Variants in PTPRD observed in about 807,000 individuals in gnomAD.
PTPRD encodes protein tyrosine phosphatase receptor type D.
A neutral mutation model predicts 214.5 loss-of-function variants in PTPRD; 34 were observed. The observed-to-expected ratio is 0.16, with a 90% confidence interval of 0.12 to 0.21. PTPRD has a LOEUF of 0.21. PTPRD is among the 10% of genes least tolerant of loss of function. The pLI, the probability that PTPRD is intolerant of heterozygous loss-of-function variation, is 1.00. For missense variants in PTPRD, 2,545 were observed against 2,398.7 expected (o/e 1.06, Z -1.27); for synonymous variants, 1,128 against 845.7 (o/e 1.33, Z -5.79).
intron 5 of PTPRD, among the ~76,000 whole-genome samples, chr9:9,905,193 G>A (rs529921160): frequency 1.3e-5 from 2 of 151,820 alleles, no homozygotes; most frequent in East Asian, 1.9e-4. Flanking sequence ...TTACACATAC[G>A]TATGTATGTT....
intron 8 of PTPRD, among the ~76,000 whole-genome samples, chr9:9,401,596 T>C (rs2070521002): frequency 3.8e-5 from 2 of 52,734 alleles, no homozygotes. Context: ...GTCCAAATGT[T>C]ATATCTTATT....
intron 11 of PTPRD, among the ~76,000 whole-genome samples, chr9:8,914,910 A>G (rs1358372564): frequency 2.0e-5 from 3 of 152,146 alleles, no homozygotes; most frequent in African/African-American, 7.2e-5. Context: ...ACCCTGGCAG[A>G]CTACTTCTAC....
intron 10 of PTPRD, among the ~76,000 whole-genome samples, chr9:9,113,724 A>G (rs766939697): frequency 6.6e-6 from 1 of 152,148 alleles, no homozygotes; most frequent in Non-Finnish European, 1.5e-5. Context: ...GATTCTTACT[A>G]GTGCTGCCAG....
intron 2 of PTPRD, among the ~76,000 whole-genome samples, chr9:10,546,046 T>G (rs541973105): frequency 6.6e-6 from 1 of 151,968 alleles, no homozygotes; most frequent in East Asian, 1.9e-4. Flanking sequence ...CAGCAACTCT[T>G]ATTCAGGAAA....
chr9:8,384,351 G>A (rs1416806475), intron 37 of PTPRD, among the ~76,000 whole-genome samples: 1 of 151,952 alleles, frequency 6.6e-6, no homozygotes, highest in Non-Finnish European at 1.5e-5. Context: ...ACTTGCTACA[G>A]AATCAATGAA....
chr9:9,994,801 G>T (rs942388715), intron 4 of PTPRD, among the ~76,000 whole-genome samples: 2 of 152,000 alleles, frequency 1.3e-5, no homozygotes, highest in East Asian at 3.9e-4. Context: ...ATAACTTTTT[G>T]TTTTACTAAT....
chr9:8,528,405 A>C (rs1361852793), intron 15 of PTPRD, 186 bp downstream of exon 15: 16 of 656,626 alleles, frequency 2.4e-5, no homozygotes, highest in Non-Finnish European at 3.8e-5. Flanking sequence ...GAAAAGGAGA[A>C]AGACAGACTC....
chr9:9,506,750 G>A (rs1020399461), intron 8 of PTPRD, among the ~76,000 whole-genome samples: 2 of 151,376 alleles, frequency 1.3e-5, no homozygotes, highest in Non-Finnish European at 3.0e-5. Flanking sequence ...AGTAATGCAA[G>A]TTACAAGGCT....
intron 9 of PTPRD, among the ~76,000 whole-genome samples, chr9:9,224,026 T>G (rs534538445): frequency 6.6e-6 from 1 of 152,202 alleles, no homozygotes; most frequent in Non-Finnish European, 1.5e-5. Context: ...TACTTTCATC[T>G]GATTAGAAGA....
chr9:10,107,904 A>G (rs1184903968), intron 3 of PTPRD, among the ~76,000 whole-genome samples: 2 of 152,108 alleles, frequency 1.3e-5, no homozygotes. Flanking sequence ...CAAACATTAT[A>G]CTTTATATCT....
intron 29 of PTPRD, among the ~76,000 whole-genome samples, chr9:8,484,780 A>G (rs2096962849): frequency 6.6e-6 from 1 of 152,290 alleles, no homozygotes; most frequent in South Asian, 2.1e-4. Context: ...ACTTTCAAAA[A>G]TGTTTCTCTA....
chr9:8,792,165 T>G (rs1224391077), intron 11 of PTPRD, among the ~76,000 whole-genome samples: 2 of 151,922 alleles, frequency 1.3e-5, no homozygotes, highest in Non-Finnish European at 2.9e-5. Context: ...GGATAATGCA[T>G]TTGGCCTTGG....
At chr9:8,945,478 C>G (rs1413497061) in intron 11 of PTPRD, among the ~76,000 whole-genome samples, 3 of 151,952 alleles carry the variant, frequency 2.0e-5, no homozygotes, top group Non-Finnish European at 4.4e-5. Context: ...TACTTTGCAC[C>G]TGGCTATCTA....
intron 8 of PTPRD, among the ~76,000 whole-genome samples, chr9:9,551,224 A>C (rs1196400684): frequency 1.3e-5 from 2 of 152,042 alleles, no homozygotes; most frequent in African/African-American, 2.4e-5. Flanking sequence ...AATAAACTGC[A>C]TAAATTTTAC....
chr9:9,019,339 C>T (rs401053), intron 10 of PTPRD, among the ~76,000 whole-genome samples: 5 of 59,206 alleles, frequency 8.4e-5, no homozygotes, highest in East Asian at 9.1e-4. Context: ...AAAGAAAGAA[C>T]GAAAGAAAGA....
intron 8 of PTPRD, among the ~76,000 whole-genome samples, chr9:9,569,139 C>A (rs749413741): frequency 2.0e-5 from 3 of 151,574 alleles, no homozygotes; most frequent in Non-Finnish European, 4.4e-5. Context: ...TCATCTGCAG[C>A]GAGTAATAAT....
chr9:9,230,675 T>C (rs2099962539), intron 9 of PTPRD, among the ~76,000 whole-genome samples: 1 of 151,994 alleles, frequency 6.6e-6, no homozygotes, highest in African/African-American at 2.4e-5. Context: ...AGTTGGAGAA[T>C]TGCTTGGTAC....
intron 7 of PTPRD, among the ~76,000 whole-genome samples, chr9:9,635,777 G>A (rs1217595297): frequency 1.3e-5 from 2 of 152,088 alleles, no homozygotes; most frequent in South Asian, 2.1e-4. Flanking sequence ...AAACACTCAT[G>A]CAAACCATCT....
chr9:9,512,883 A>G (rs2096742874), intron 8 of PTPRD, among the ~76,000 whole-genome samples: 2 of 149,318 alleles, frequency 1.3e-5, no homozygotes, highest in Non-Finnish European at 3.0e-5. Context: ...AAAAAAAAAC[A>G]CAATAATAAT....
Sources: gnomAD v4.1 joint callset for allele counts (sites outside exome capture counted in the v4.1 genomes callset) on GRCh38, gnomAD v4.1.1 for gene constraint, MANE v1.5 for transcripts, NCBI Gene and HGNC (gene_info 2026-07-23, HGNC 2026-07-21) for gene names.